TNKS: variants seen among roughly 807,000 people sequenced by gnomAD.
TNKS encodes poly [ADP-ribose] polymerase tankyrase-1.
In TNKS, 72 loss-of-function variants were observed where a neutral mutation model predicts 135.8. That is an observed-to-expected ratio of 0.53 (90% CI 0.44 to 0.64). The LOEUF (loss-of-function observed/expected upper bound fraction) is 0.64. TNKS is among the 30% of genes least tolerant of loss of function. The pLI is 0.00. For missense variants in TNKS, 1,769 were observed against 1,674.0 expected, an observed-to-expected ratio of 1.06 and a Z score of -0.99; for synonymous variants, 849 against 649.3, an observed-to-expected ratio of 1.31 and a Z score of -4.68.
intron 2 of TNKS, among the ~76,000 whole-genome samples, chr8:9,611,601 C>T (rs1176056256): frequency 2.0e-5 from 3 of 152,094 alleles, no homozygotes; most frequent in African/African-American, 7.2e-5. Context: ...AATTTTGAAG[C>T]ATCCAGAATT....
chr8:9,769,465 G>A (rs1807670422), intron 25 of TNKS, among the ~76,000 whole-genome samples: 1 of 152,058 alleles, frequency 6.6e-6, no homozygotes, highest in East Asian at 1.9e-4. Context: ...TTTTTTCCCT[G>A]TAATGAATAA....
intron 3 of TNKS, among the ~76,000 whole-genome samples, chr8:9,625,745 A>T (rs1379885406): frequency 6.6e-6 from 1 of 152,170 alleles, no homozygotes; most frequent in African/African-American, 2.4e-5. Flanking sequence ...GTGCTTGAAC[A>T]ATACTCTGTA....
chr8:9,706,195 T>C lies in TNKS; in HGVS notation c.1211T>C (p.Val404Ala). The stretch of plus-strand genomic sequence containing the variant: ...TGCCTCTTTTCATTTAGTGGACTTG[T>C]GCCTCTTCATAATGCATGTTCATAT... ...DVHAKDKGGL[V>A]PLHNACSYGH... is the part of the protein sequence containing the mutation. Residue 404 changes from valine (V) to alanine (A), a missense_variant, in exon 7 of 27, where the codon GTG becomes GCG. Transcript: ENST00000310430. 3 of 1,571,896 alleles carry C rather than the reference T, an allele frequency of 1.9e-6. No homozygotes were observed. The highest frequency in any genetic ancestry group is 2.6e-6 in the Non-Finnish European group (3 of 1,164,196).
chr8:9,689,405 A>G (rs1563168702), intron 5 of TNKS, among the ~76,000 whole-genome samples: 1 of 152,354 alleles, frequency 6.6e-6, no homozygotes, highest in East Asian at 1.9e-4. Flanking sequence ...TACTATGCAT[A>G]ATCACTTGAA....
chr8:9,759,436 C>G (rs567717264), intron 20 of TNKS, among the ~76,000 whole-genome samples: 3 of 152,212 alleles, frequency 2.0e-5, no homozygotes, highest in Admixed American at 2.0e-4. Flanking sequence ...AGAGCACTTT[C>G]CACGTTAGGT....
At chr8:9,705,305 A>G (rs777447091) in intron 6 of TNKS, among the ~76,000 whole-genome samples, 7 of 152,172 alleles carry the variant, frequency 4.6e-5, no homozygotes, top group East Asian at 1.9e-4. Flanking sequence ...AGTTTCCTGT[A>G]AAGTCTCCAG....
intron 3 of TNKS, among the ~76,000 whole-genome samples, chr8:9,660,596 A>C (rs541375767): frequency 4.3e-4 from 66 of 152,358 alleles, no homozygotes; most frequent in African/African-American, 1.5e-3. Context: ...TCAAAATAAT[A>C]AGAGCTATCT....
intron 3 of TNKS, among the ~76,000 whole-genome samples, chr8:9,667,532 G>T (rs1476626701): frequency 2.6e-5 from 4 of 152,236 alleles, no homozygotes; most frequent in African/African-American, 4.8e-5. Flanking sequence ...GCAGACTGAT[G>T]TGGAGGCATG....
At chr8:9,590,351 A>G (rs201474935) in intron 2 of TNKS, among the ~76,000 whole-genome samples, 1 of 152,146 alleles carries the variant, frequency 6.6e-6, no homozygotes, top group Non-Finnish European at 1.5e-5. Flanking sequence ...ATGTTAATTC[A>G]TCTGAGTTGT....
At chr8:9,772,829 G>C (rs866828325) in intron 26 of TNKS, among the ~76,000 whole-genome samples, 47 of 43,206 alleles carry the variant, frequency 1.1e-3, no homozygotes, top group South Asian at 3.2e-3. Context: ...GTGTGTGTGT[G>C]TCTGTGTGTG....
intron 12 of TNKS, chr8:9,722,554 C>A (rs929555462): frequency 2.5e-4 from 36 of 143,168 alleles, no homozygotes; most frequent in African/African-American, 6.3e-4. Flanking sequence ...AGCTTGAACT[C>A]AAAAAAAAAA....
intron 5 of TNKS, among the ~76,000 whole-genome samples, chr8:9,686,874 A>T (rs1339559615): frequency 6.6e-6 from 1 of 152,208 alleles, no homozygotes; most frequent in Admixed American, 6.5e-5. Context: ...AGCCTAAAAA[A>T]AATGAAGAAT....
intron 2 of TNKS, among the ~76,000 whole-genome samples, chr8:9,598,815 A>G (rs185787145): frequency 3.3e-4 from 35 of 105,286 alleles, no homozygotes; most frequent in Non-Finnish European, 5.6e-4. Flanking sequence ...ATATATATAT[A>G]TATGAATGAA....
chr8:9,665,451 C>A (rs956276979), intron 3 of TNKS, among the ~76,000 whole-genome samples: 1 of 152,192 alleles, frequency 6.6e-6, no homozygotes, highest in African/African-American at 2.4e-5. Flanking sequence ...ATTTCCACTT[C>A]TTTTAAGTTA....
At chr8:9,660,276 C>T (rs1801631645) in intron 3 of TNKS, among the ~76,000 whole-genome samples, 1 of 152,176 alleles carries the variant, frequency 6.6e-6, no homozygotes, top group Non-Finnish European at 1.5e-5. Flanking sequence ...CTGGCAGAGA[C>T]ACAGCAGAAA....
intron 11 of TNKS, among the ~76,000 whole-genome samples, chr8:9,712,315 A>C (rs1365140691): frequency 6.6e-6 from 1 of 152,112 alleles, no homozygotes; most frequent in African/African-American, 2.4e-5. Context: ...CACTATCTCT[A>C]CAAAAAATTT....
intron 12 of TNKS, among the ~76,000 whole-genome samples, chr8:9,723,142 G>C (rs1191575367): frequency 1.6e-5 from 2 of 124,008 alleles, no homozygotes; most frequent in Non-Finnish European, 3.4e-5. Flanking sequence ...GGAAAATTTT[G>C]CCCTCCAAAA....
intron 1 of TNKS, among the ~76,000 whole-genome samples, chr8:9,567,933 A>G (rs958851081): frequency 2.0e-5 from 3 of 152,166 alleles, no homozygotes; most frequent in Non-Finnish European, 2.9e-5. Flanking sequence ...GTATTTTACC[A>G]CATTTAAGTG....
intron 9 of TNKS, 21 bp from the exon 10 acceptor site, chr8:9,709,933 CT>C (rs756139840): frequency 1.3e-6 from 2 of 1,592,418 alleles, no homozygotes; most frequent in Non-Finnish European, 1.7e-6. Flanking sequence ...ATTTTATTAA[CT>C]TGGTTTTGTT....
Sources: gnomAD v4.1 joint callset for allele counts (sites outside exome capture counted in the v4.1 genomes callset) on GRCh38, gnomAD v4.1.1 for gene constraint, MANE v1.5 for transcripts, NCBI Gene and HGNC (gene_info 2026-07-23, HGNC 2026-07-21) for gene names.